The following R3HDM2 variants were observed in gnomAD, a reference collection of about 807,000 sequenced individuals.
The protein encoded by R3HDM2 is R3H domain containing 2, also known as R3H domain-containing protein 2.
Under a neutral mutation model 124.5 loss-of-function variants are expected in R3HDM2, and 38 were observed. The observed-to-expected ratio is 0.31, with a 90% confidence interval of 0.24 to 0.40. The LOEUF (loss-of-function observed/expected upper bound fraction) is 0.40, where lower values mean the gene tolerates loss of function less well. Ranked by LOEUF, R3HDM2 falls within the 10% of genes least tolerant of loss-of-function variation. R3HDM2 has a pLI of 1.00. For synonymous variants in R3HDM2, 391 were observed against 448.0 expected (o/e 0.87, Z 1.61); for missense variants, 869 against 1,236.9 (o/e 0.70, Z 4.46).
At chr12:57,307,317 G>GTT in intron 3 of R3HDM2, among the ~76,000 whole-genome samples, 1 of 94,504 alleles carries the variant, frequency 1.1e-5, no homozygotes, top group South Asian at 2.9e-4. Context: ...TTTTTTTGTT[G>GTT]TTGTTTTGTT....
chr12:57,264,365 G>T (rs1268456585), intron 19 of R3HDM2, among the ~76,000 whole-genome samples: 1 of 144,180 alleles, frequency 6.9e-6, no homozygotes, highest in Non-Finnish European at 1.5e-5. Flanking sequence ...AGAACAGCCT[G>T]GCCAACATGA....
chr12:57,368,972 G>A (rs1054013373), intron 2 of R3HDM2, among the ~76,000 whole-genome samples: 3 of 152,062 alleles, frequency 2.0e-5, no homozygotes, highest in Non-Finnish European at 4.4e-5. Context: ...TCATGGCTAC[G>A]GTGGGACTAA....
chr12:57,358,640 T>G (rs1035903073), intron 2 of R3HDM2, among the ~76,000 whole-genome samples: 6 of 145,582 alleles, frequency 4.1e-5, no homozygotes, highest in African/African-American at 1.5e-4. Context: ...TGAGACTCCA[T>G]CTCAAAAAAA....
At chr12:57,258,243 G>A (rs934221875) in intron 20 of R3HDM2, 106 bp from the exon 21 acceptor site, 1 of 1,097,886 alleles carries the variant, frequency 9.1e-7, no homozygotes, top group African/African-American at 1.6e-5. Context: ...AGTTTCTCTT[G>A]CTGAACTCTG....
rs1565900873 is a variant in R3HDM2, at chr12:57,272,434, G to C, written c.1345-2440C>G. 5.9e-6 allele frequency: 9 copies of C among 1,535,038 alleles called. No individual in the cohort carries two copies. In the East Asian group the frequency reaches 7.3e-5, roughly 13 times the overall value. ...AGGCCACACATGAACAAGACAAAAAGGGGGAATGGAGTTTATACCATGTTG... is the reference window on the plus strand; with the variant it reads ...AGGCCACACATGAACAAGACAAAAACGGGGAATGGAGTTTATACCATGTTG... On this transcript the variant is annotated intron_variant, in intron 14 of 23. Transcript: ENST00000402412.
At chr12:57,271,003 C>T (rs1224186839) in intron 14 of R3HDM2, among the ~76,000 whole-genome samples, 1 of 152,142 alleles carries the variant, frequency 6.6e-6, no homozygotes, top group African/African-American at 2.4e-5. Context: ...TCCTTATGCC[C>T]CCAACCATAA....
chr12:57,371,219 C>T (rs1474373468), intron 2 of R3HDM2, among the ~76,000 whole-genome samples: 3 of 145,932 alleles, frequency 2.1e-5, no homozygotes, highest in Non-Finnish European at 3.0e-5. Flanking sequence ...TTTCTGCCTA[C>T]AGTAACATAA....
intron 2 of R3HDM2, among the ~76,000 whole-genome samples, chr12:57,327,248 C>G (rs1380220176): frequency 6.6e-6 from 1 of 151,992 alleles, no homozygotes; most frequent in African/African-American, 2.4e-5. Flanking sequence ...AGGCAGATCA[C>G]CTGAGGTTAG....
chr12:57,318,280 A>T (rs2055614254), intron 2 of R3HDM2, among the ~76,000 whole-genome samples: 1 of 152,114 alleles, frequency 6.6e-6, no homozygotes, highest in Non-Finnish European at 1.5e-5. Context: ...CAAAAAGGCA[A>T]GACTCTGTCT....
intron 2 of R3HDM2, among the ~76,000 whole-genome samples, chr12:57,361,664 G>C (rs1236764141): frequency 3.3e-5 from 5 of 151,960 alleles, no homozygotes; most frequent in African/African-American, 1.2e-4. Context: ...ACTCCAGCCT[G>C]GGTGACAAAG....
chr12:57,405,272 A>C (rs2068425453), intron 1 of R3HDM2, among the ~76,000 whole-genome samples: 1 of 152,072 alleles, frequency 6.6e-6, no homozygotes, highest in South Asian at 2.1e-4. Flanking sequence ...AATCATTTAA[A>C]TTTCTCATAA....
At chr12:57,404,985 G>C (rs757363249) in intron 1 of R3HDM2, among the ~76,000 whole-genome samples, 2 of 152,064 alleles carry the variant, frequency 1.3e-5, no homozygotes, top group East Asian at 3.9e-4. Flanking sequence ...ATGATTCTGG[G>C]GTAGGGTCAG....
At chr12:57,425,567 A>C (rs2070658284) in intron 1 of R3HDM2, among the ~76,000 whole-genome samples, 1 of 152,132 alleles carries the variant, frequency 6.6e-6, no homozygotes, top group African/African-American at 2.4e-5. Flanking sequence ...TGGGAGGCCG[A>C]GGCAGGCGAA....
intron 2 of R3HDM2, among the ~76,000 whole-genome samples, chr12:57,360,006 A>AATAAATAAATAT (rs1403496780): frequency 3.4e-5 from 4 of 117,690 alleles, no homozygotes; most frequent in Admixed American, 1.9e-4. Context: ...TAAATAAATA[A>AATAAATAAATAT]ATATATATAT....
intron 2 of R3HDM2, among the ~76,000 whole-genome samples, chr12:57,348,003 C>A (rs540831105): frequency 2.2e-4 from 33 of 152,272 alleles, no homozygotes; most frequent in African/African-American, 7.7e-4. Context: ...AAAATCCACT[C>A]TCATGACAGA....
chr12:57,388,508 C>A (rs973396938), intron 2 of R3HDM2, among the ~76,000 whole-genome samples: 1 of 152,158 alleles, frequency 6.6e-6, no homozygotes, highest in African/African-American at 2.4e-5. Context: ...TAAGATGGTG[C>A]TTGTGCTGTG....
intron 2 of R3HDM2, among the ~76,000 whole-genome samples, chr12:57,363,829 C>G (rs998727369): frequency 3.3e-5 from 5 of 151,818 alleles, no homozygotes; most frequent in African/African-American, 1.2e-4. Context: ...AGGATCACAC[C>G]ACTGTGCTCC....
chr12:57,310,281 A>G lies in R3HDM2; in HGVS notation c.148T>C (p.Leu50=). 1 of 1,538,660 alleles carries G rather than the reference A, an allele frequency of 6.5e-7. No homozygotes were observed. Among genetic ancestry groups the G allele is most frequent in the South Asian group, 1.2e-5 (1 of 80,762 alleles). Residue 50 remains leucine (L), a synonymous_variant, in exon 3 of 24, where the codon TTG becomes CTG. Coordinates refer to ENST00000402412, the MANE Select transcript of R3HDM2 (RefSeq NM_001394031.1). ...EIEKECEDTS[L]RQETQRRTSN... is the part of the protein sequence containing the mutation. ...ATCGTTACCTGTGTCTCCTGACGCA[A>G]ACTGGTATCTTCACATTCTTTCTCA...
At chr12:57,345,830 A>G (rs2137082975) in intron 2 of R3HDM2, among the ~76,000 whole-genome samples, 1 of 152,268 alleles carries the variant, frequency 6.6e-6, no homozygotes, top group East Asian at 1.9e-4. Context: ...GGCACCAGCC[A>G]CCATGCCTGG....
Sources: allele counts gnomAD v4.1 joint callset (sites outside exome capture counted in the v4.1 genomes callset), GRCh38; gene constraint gnomAD v4.1.1; transcripts MANE v1.5; gene names NCBI Gene and HGNC (gene_info 2026-07-23, HGNC 2026-07-21).